RB1: variants seen among roughly 807,000 people sequenced by gnomAD.
RB1 encodes retinoblastoma-associated protein.
Under a neutral mutation model 135.4 loss-of-function variants are expected in RB1, and 18 were observed. That is an observed-to-expected ratio of 0.13 (90% confidence interval 0.09 to 0.20). The LOEUF (loss-of-function observed/expected upper bound fraction) is 0.20, where lower values mean the gene tolerates loss of function less well. RB1 is among the 10% of genes least tolerant of loss of function. The probability of loss-of-function intolerance (pLI) is 1.00; values close to 1 mark genes in which losing one functional copy is unlikely to be tolerated. For synonymous variants in RB1, 365 were observed against 373.2 expected (o/e 0.98, Z 0.25); for missense variants, 868 against 1,110.0 (o/e 0.78, Z 3.10).
intron 6 of RB1, 143 bp downstream of exon 6, chr13:48,349,166 C>T (rs1031030666): frequency 1.2e-6 from 1 of 821,948 alleles, no homozygotes; most frequent in East Asian, 3.2e-5. Context: ...TTAGCAAGTT[C>T]CTATAATTCT....
chr13:48,443,395 GT>G (rs1949257054), intron 17 of RB1, among the ~76,000 whole-genome samples: 1 of 151,908 alleles, frequency 6.6e-6, no homozygotes, highest in Non-Finnish European at 1.5e-5. Context: ...AAGAGTTTTA[GT>G]TTTAATATCT....
chr13:48,318,930 G>T, intron 2 of RB1: 2 of 1,102,190 alleles, frequency 1.8e-6, no homozygotes, highest in Non-Finnish European at 2.7e-6. Context: ...CCGTCAGAGC[G>T]GGAAGGCACG....
intron 26 of RB1, among the ~76,000 whole-genome samples, chr13:48,477,781 T>C (rs4151626): frequency 8.5e-5 from 13 of 152,184 alleles, no homozygotes; most frequent in African/African-American, 2.9e-4. Flanking sequence ...ATCACCCTTA[T>C]TTAAGGAATA....
intron 9 of RB1, among the ~76,000 whole-genome samples, 172 bp from the exon 10 acceptor site, chr13:48,367,322 T>G (rs1952712309): frequency 6.6e-6 from 1 of 152,148 alleles, no homozygotes; most frequent in Admixed American, 6.5e-5. Flanking sequence ...ATGTTGCAAT[T>G]TTCTGTACCT....
chr13:48,439,430 A>T (rs1207258743), intron 17 of RB1, among the ~76,000 whole-genome samples: 1 of 152,054 alleles, frequency 6.6e-6, no homozygotes, highest in Non-Finnish European at 1.5e-5. Flanking sequence ...ACTTTGAATC[A>T]TTAATCATAG....
At chr13:48,401,970 A>G (rs1948696040) in intron 17 of RB1, among the ~76,000 whole-genome samples, 1 of 152,154 alleles carries the variant, frequency 6.6e-6, no homozygotes, top group Non-Finnish European at 1.5e-5. Context: ...TTATTTTAAG[A>G]TAATTTAATT....
In RB1 at chr13:48,435,218, C is replaced by T. The variant is rs548522348; in HGVS notation, c.1696-17775C>T. On this transcript the variant is annotated intron_variant, in intron 17 of 26. Coordinates refer to ENST00000267163, the MANE Select transcript of RB1 (RefSeq NM_000321.3). ...GTGATCCAGTTTCTCTGCATTCTTT[C>T]CATCATTTGGTGATGTCTTTATTTT... Among the ~76,000 whole-genome samples the T allele has an allele frequency of 4.6e-5, 7 of 152,308 alleles. No homozygotes were observed. In the East Asian group the frequency reaches 1.3e-3, roughly 29 times the overall value.
chr13:48,443,142 T>A (rs991828150), intron 17 of RB1, among the ~76,000 whole-genome samples: 1 of 151,814 alleles, frequency 6.6e-6, no homozygotes, highest in Non-Finnish European at 1.5e-5. Flanking sequence ...AACATTGTTA[T>A]GTTCTTAAAA....
rs1289148853 is a variant in RB1, at chr13:48,367,489, T to C, written c.940-5T>C. ...GATAATTGTCAGTGACTTTTTTCTT[T>C]CAAGGTTGAAAATCTTTCTAAACGA... On this transcript the variant is annotated splice_region_variant and splice_polypyrimidine_tract_variant and intron_variant, in intron 9 of 26. Transcript: ENST00000267163. 6.2e-7 allele frequency: 1 copy of C among 1,601,412 alleles called. No homozygotes were observed. Among genetic ancestry groups the C allele is most frequent in the South Asian group, 1.1e-5 (1 of 90,884 alleles).
chr13:48,364,818 C>G, intron 8 of RB1, 76 bp from the exon 9 acceptor site: 1 of 1,497,006 alleles, frequency 6.7e-7, no homozygotes, highest in South Asian at 1.3e-5. Context: ...CTAACTTACC[C>G]TGCATTGTTC....
At chr13:48,391,229 A>G (rs548885668) in intron 17 of RB1, among the ~76,000 whole-genome samples, 3 of 152,336 alleles carry the variant, frequency 2.0e-5, no homozygotes, top group East Asian at 3.9e-4. Flanking sequence ...TTAGAATAGT[A>G]TATTTCCATT....
At position 48,319,106 on chromosome 13, in the gene RB1, G is replaced by A. The variant is rs4151434; in HGVS notation, c.264+11700G>A. On this transcript the variant is annotated intron_variant, in intron 2 of 26. Coordinates refer to ENST00000267163, the MANE Select transcript of RB1 (RefSeq NM_000321.3). The surrounding 1 kb of genome is among the most constrained non-coding windows in gnomAD (Gnocchi z 5.0). ...TTCTACAAACTCGTTCCTGGAAGCC[G>A]GGCTCGCTGGAGGCGGAGCTTTGGT... 35,083 of 609,824 alleles carry A rather than the reference G, an allele frequency of 0.058. 4,686 individuals carry two copies. Among genetic ancestry groups the A allele is most frequent in the African/African-American group, 0.37 (20,231 of 54,154 alleles). The allele number at this position is 609,824 out of a possible 1,614,324, so 37.8% of individuals were successfully genotyped here. A position where few individuals can be genotyped will look rare whatever the true frequency, so the allele number is the denominator to read the frequency against.
intron 17 of RB1, chr13:48,415,811 CTGTT>C (rs1948899290): frequency 6.6e-6 from 1 of 152,156 alleles, no homozygotes; most frequent in African/African-American, 2.4e-5. Flanking sequence ...AGCAGAGGGA[CTGTT>C]TGAACAGGAA....
chr13:48,467,248 A>G (rs1317386024), intron 23 of RB1, among the ~76,000 whole-genome samples: 16 of 126,298 alleles, frequency 1.3e-4, no homozygotes, highest in South Asian at 3.0e-4. Flanking sequence ...AGTGGGGGCC[A>G]ATATTCAACA....
chr13:48,421,303 T>C (rs1413382654), intron 17 of RB1, among the ~76,000 whole-genome samples: 1 of 152,150 alleles, frequency 6.6e-6, no homozygotes, highest in Non-Finnish European at 1.5e-5. Flanking sequence ...TTGGGAAAAC[T>C]GGCTAGCCAT....
intron 17 of RB1, among the ~76,000 whole-genome samples, chr13:48,403,873 C>T (rs1212656014): frequency 6.6e-6 from 1 of 152,096 alleles, no homozygotes; most frequent in Non-Finnish European, 1.5e-5. Flanking sequence ...AAAAAATGCA[C>T]CTCTGTAGTC....
At position 48,414,992 on chromosome 13, in the gene RB1, TA is replaced by T. The variant is rs1159785854; in HGVS notation, c.1695+33550del. On this transcript the variant is annotated intron_variant, in intron 17 of 26. Coordinates refer to ENST00000267163, the MANE Select transcript of RB1 (RefSeq NM_000321.3). ...TCTGTTAGTAGTTATGTCTTACTGT[TA>T]TTTTTTTTTTATTTGGTTCAGTATG... Among the ~76,000 whole-genome samples the T allele has an allele frequency of 5.6e-5, 8 of 143,704 alleles. No individual in the cohort carries two copies. In the South Asian group the frequency reaches 9.1e-4, roughly 16 times the overall value. 94.3% of individuals were successfully genotyped at this position (143,704 alleles called of 152,430 possible). A position where few individuals can be genotyped will look rare whatever the true frequency, so the allele number is the denominator to read the frequency against.
intron 17 of RB1, among the ~76,000 whole-genome samples, chr13:48,395,924 T>C (rs1226262947): frequency 6.6e-6 from 1 of 152,064 alleles, no homozygotes; most frequent in Non-Finnish European, 1.5e-5. Flanking sequence ...CCAGGACATA[T>C]AATCGTCAGA....
intron 17 of RB1, among the ~76,000 whole-genome samples, chr13:48,446,926 A>G (rs1209462856): frequency 6.6e-6 from 1 of 152,146 alleles, no homozygotes; most frequent in Non-Finnish European, 1.5e-5. Flanking sequence ...TGGGTTAGGG[A>G]GTAACATATT....
Sources: gnomAD v4.1 joint callset for allele counts (sites outside exome capture counted in the v4.1 genomes callset) on GRCh38, gnomAD v4.1.1 for gene constraint, Gnocchi (gnomAD v3.1) non-coding constraint, MANE v1.5 for transcripts, NCBI Gene and HGNC (gene_info 2026-07-23, HGNC 2026-07-21) for gene names.